Variants in LRRIQ3 observed in about 807,000 individuals in gnomAD.
The protein encoded by LRRIQ3 is leucine rich repeats and IQ motif containing 3, also known as leucine-rich repeat and IQ domain-containing protein 3.
A neutral mutation model predicts 59.3 loss-of-function variants in LRRIQ3; 75 were observed. The ratio of observed to expected loss-of-function variants is 1.26; its 90% CI spans 1.05 to 1.53. The LOEUF (loss-of-function observed/expected upper bound fraction) is 1.53, where lower values mean the gene tolerates loss of function less well. Among genes scored for constraint, LRRIQ3 ranks in the 40% most tolerant of loss-of-function variants. The pLI is 0.00. For synonymous variants in LRRIQ3, 250 were observed against 231.3 expected, an observed-to-expected ratio of 1.08 and a Z score of -0.73; for missense variants, 831 against 710.0, an observed-to-expected ratio of 1.17 and a Z score of -1.94.
chr1:74,171,609 T>C (rs1450116444), intron 3 of LRRIQ3, among the ~76,000 whole-genome samples: 2 of 152,124 alleles, frequency 1.3e-5, no homozygotes, highest in Non-Finnish European at 2.9e-5. Flanking sequence ...GTAGTTTTCT[T>C]GTGTTGTTTT....
intron 4 of LRRIQ3, among the ~76,000 whole-genome samples, chr1:74,140,471 G>T (rs1162852591): frequency 6.6e-6 from 1 of 151,834 alleles, no homozygotes; most frequent in Non-Finnish European, 1.5e-5. Context: ...TACAATCACA[G>T]TGAGAGATGT....
At chr1:74,075,934 G>A (rs1356930775) in intron 5 of LRRIQ3, among the ~76,000 whole-genome samples, 1 of 152,178 alleles carries the variant, frequency 6.6e-6, no homozygotes, top group Non-Finnish European at 1.5e-5. Flanking sequence ...CACAGGCCCT[G>A]TATCTTAAGG....
intron 5 of LRRIQ3, among the ~76,000 whole-genome samples, chr1:74,101,748 T>C (rs1331399444): frequency 2.6e-5 from 4 of 152,166 alleles, no homozygotes; most frequent in Admixed American, 6.6e-5. Flanking sequence ...GATGAGTTCA[T>C]GTCCTTTGGA....
At chr1:74,186,118 A>C (rs920046503) in intron 1 of LRRIQ3, among the ~76,000 whole-genome samples, 1 of 150,396 alleles carries the variant, frequency 6.6e-6, no homozygotes, top group Admixed American at 6.6e-5. Context: ...CAAAGGATTT[A>C]TTTCTCACAT....
At chr1:74,136,492 G>A (rs1215124777) in intron 4 of LRRIQ3, among the ~76,000 whole-genome samples, 3 of 151,728 alleles carry the variant, frequency 2.0e-5, no homozygotes, top group South Asian at 2.1e-4. Context: ...GCAGCTTAAC[G>A]GCAATTTCAA....
At chr1:74,112,297 T>C (rs1412403432) in intron 4 of LRRIQ3, among the ~76,000 whole-genome samples, 2 of 152,040 alleles carry the variant, frequency 1.3e-5, no homozygotes, top group African/African-American at 4.8e-5. Flanking sequence ...AAACAGAGTG[T>C]GGAGAATTTC....
intron 5 of LRRIQ3, chr1:74,082,090 T>C (rs1486619308): frequency 1.3e-5 from 2 of 151,620 alleles, no homozygotes; most frequent in East Asian, 3.9e-4. Flanking sequence ...ATGGCAGCTA[T>C]ATCCATGGCA....
chr1:74,102,665 A>C (rs1004347532), intron 5 of LRRIQ3, among the ~76,000 whole-genome samples: 1 of 151,838 alleles, frequency 6.6e-6, no homozygotes, highest in Non-Finnish European at 1.5e-5. Context: ...AGACATGAAC[A>C]CTTCCTAGTT....
chr1:74,052,969 T>C (rs758180012), intron 6 of LRRIQ3, among the ~76,000 whole-genome samples: 29 of 152,138 alleles, frequency 1.9e-4, no homozygotes, highest in Non-Finnish European at 3.7e-4. Context: ...AGAATGTATC[T>C]TTTTAAAGTG....
chr1:74,058,093 G>T (rs1654591533), intron 6 of LRRIQ3, among the ~76,000 whole-genome samples: 1 of 152,058 alleles, frequency 6.6e-6, no homozygotes, highest in African/African-American at 2.4e-5. Flanking sequence ...TGAGAACACA[G>T]CTAATGGAGA....
chr1:74,072,712 G>A (rs140701066), intron 6 of LRRIQ3, among the ~76,000 whole-genome samples: 1 of 151,812 alleles, frequency 6.6e-6, no homozygotes, highest in Non-Finnish European at 1.5e-5. Context: ...TTGGAAGTAG[G>A]TACCTATTAG....
At chr1:74,097,780 C>G (rs1159880456) in intron 5 of LRRIQ3, among the ~76,000 whole-genome samples, 1 of 152,070 alleles carries the variant, frequency 6.6e-6, no homozygotes, top group African/African-American at 2.4e-5. Context: ...AATTTTCAAC[C>G]CAGAATTTCA....
chr1:74,141,522 A>C (rs1647255145), intron 4 of LRRIQ3, among the ~76,000 whole-genome samples: 1 of 151,930 alleles, frequency 6.6e-6, no homozygotes, highest in Admixed American at 6.6e-5. Context: ...GTTTCTAAAA[A>C]TTTTAAAATT....
Position 74,041,746 on chromosome 1 carries a change from T to A in LRRIQ3, c.1185A>T (p.Lys395Asn), listed in dbSNP as rs1654053582. ...IYTTHPKPII[K>N]KDIRLERSMK... ...TACTCCGCTCCAATCGTATGTCTTT[T>A]TTAATGATTGGCTTTGGATGAGTAG... Residue 395 changes from lysine (K) to asparagine (N), a missense_variant, in exon 7 of 8, where the codon AAA becomes AAT. Lys to Asn is a moderately conservative substitution (Grantham distance 94). Coordinates refer to ENST00000354431, the MANE Select transcript of LRRIQ3 (RefSeq NM_001105659.2). 3 of 1,613,756 alleles carry A rather than the reference T, an allele frequency of 1.9e-6. No homozygotes were observed. The East Asian group carries it at 6.7e-5, about 36-fold the overall frequency.
At chr1:74,152,080 T>C (rs1385083177) in intron 4 of LRRIQ3, among the ~76,000 whole-genome samples, 1 of 151,202 alleles carries the variant, frequency 6.6e-6, no homozygotes, top group Non-Finnish European at 1.5e-5. Context: ...TTATAAAAAA[T>C]AAAAATAAAA....
chr1:74,041,720 A>G lies in LRRIQ3; in HGVS notation c.1211T>C (p.Met404Thr), dbSNP rs1361435455. 3.7e-6 allele frequency: 6 copies of G among 1,613,428 alleles called. No individual in the cohort carries two copies. In the African/African-American group the frequency reaches 8.0e-5, roughly 22 times the overall value. Residue 404 changes from methionine to threonine, a missense_variant, in exon 7 of 8, where the codon ATG becomes ACG. Coordinates refer to ENST00000354431, the MANE Select transcript of LRRIQ3 (RefSeq NM_001105659.2). ...IKKDIRLERS[M>T]KEFFAPQRAG... The stretch of plus-strand genomic sequence containing the variant: ...TCTTTGTGGTGCAAAAAACTCTTTC[A>G]TACTCCGCTCCAATCGTATGTCTTT...
At chr1:74,169,095 C>T (rs1381455866) in intron 3 of LRRIQ3, among the ~76,000 whole-genome samples, 1 of 152,060 alleles carries the variant, frequency 6.6e-6, no homozygotes, top group Non-Finnish European at 1.5e-5. Flanking sequence ...CTCCCTATCC[C>T]CTGGTAAACA....
chr1:74,100,205 A>G (rs1368634887), intron 5 of LRRIQ3, among the ~76,000 whole-genome samples: 1 of 152,224 alleles, frequency 6.6e-6, no homozygotes, highest in East Asian at 1.9e-4. Context: ...CAACTTCAGC[A>G]AAGTCTCAGG....
chr1:74,097,677 G>A (rs1646467667), intron 5 of LRRIQ3, among the ~76,000 whole-genome samples: 1 of 152,152 alleles, frequency 6.6e-6, no homozygotes, highest in African/African-American at 2.4e-5. Context: ...TACCCACAAA[G>A]GGAAGCCCAT....
Sources: allele counts gnomAD v4.1 joint callset (sites outside exome capture counted in the v4.1 genomes callset), GRCh38; gene constraint gnomAD v4.1.1; transcripts MANE v1.5; gene names NCBI Gene and HGNC (gene_info 2026-07-23, HGNC 2026-07-21).